THAP10: variants seen among roughly 807,000 people sequenced by gnomAD.
The protein encoded by THAP10 is THAP domain-containing protein 10.
Under a neutral mutation model 15.7 loss-of-function variants are expected in THAP10, and 10 were observed. The observed-to-expected ratio is 0.64, with a 90% CI of 0.39 to 1.08. The LOEUF (loss-of-function observed/expected upper bound fraction) is 1.08. Among genes scored for constraint, THAP10 ranks in the 50% least tolerant of loss-of-function variants. The pLI is 0.01. For synonymous variants in THAP10, 127 were observed against 129.1 expected, an observed-to-expected ratio of 0.98 and a Z score of 0.11; for missense variants, 310 against 330.9, an observed-to-expected ratio of 0.94 and a Z score of 0.49.
In THAP10 at chr15:70,892,243, G is replaced by T. The variant is rs759813809; in HGVS notation, c.30C>A (p.Cys10Ter). 3 of 1,581,904 alleles carry T rather than the reference G, an allele frequency of 1.9e-6. No individual in the cohort carries two copies. The highest frequency in any genetic ancestry group is 1.3e-5 in the African/African-American group (1 of 74,272). The change falls in exon 1 of 3, where the codon TGC (cysteine) becomes TGA (stop). Residue 10 changes from cysteine (C) to a stop codon, truncating the protein, a stop_gained. Coordinates refer to ENST00000249861, the MANE Select transcript of THAP10 (RefSeq NM_020147.4). LOFTEE classifies it high-confidence loss of function. ...ACTTCCCAGACTTGGTGGTGTTGCC[G>T]CAGTGGGCGGCCACACAACGGGCCG... Reference protein sequence around the residue: MPARCVAAHCGNTTKSGKSL... With the variant: MPARCVAAH
intron 1 of THAP10, among the ~76,000 whole-genome samples, chr15:70,890,846 G>C (rs956900770): frequency 2.0e-5 from 3 of 152,188 alleles, no homozygotes; most frequent in African/African-American, 7.2e-5. Context: ...CAGCATGATG[G>C]TACACAGTGA....
chr15:70,881,560 G>T lies in THAP10; in HGVS notation c.*894C>A, dbSNP rs1239451211. The stretch of plus-strand genomic sequence containing the variant: ...TATAGTATGCTTCTCAGAAACTATT[G>T]TAACAGTTTACTTCATGGTACAAAA... On this transcript the variant is annotated 3_prime_UTR_variant, in exon 3 of 3. Coordinates refer to ENST00000249861, the MANE Select transcript of THAP10 (RefSeq NM_020147.4). 5.3e-5 allele frequency: 8 copies of T among 152,122 alleles called. No homozygotes were observed. Among genetic ancestry groups the T allele is most frequent in the African/African-American group, 1.9e-4 (8 of 41,418 alleles). 9.4% of individuals were successfully genotyped at this position (152,122 alleles called of 1,614,324 possible). A position where few individuals can be genotyped will look rare whatever the true frequency, so the allele number is the denominator to read the frequency against.
chr15:70,883,440 C>T (rs1417784285), intron 1 of THAP10, among the ~76,000 whole-genome samples: 1 of 151,824 alleles, frequency 6.6e-6, no homozygotes, highest in African/African-American at 2.4e-5. Context: ...GTGATCTGCC[C>T]GCCTCAGCCT....
intron 1 of THAP10, among the ~76,000 whole-genome samples, chr15:70,885,240 T>C (rs2141086983): frequency 6.6e-6 from 1 of 151,928 alleles, no homozygotes; most frequent in South Asian, 2.1e-4. Flanking sequence ...AAATAGAAAA[T>C]ACAGAAAATG....
rs975926741 is a variant in THAP10 at position 70,892,158 on chromosome 15, C to A, written c.115G>T (p.Gly39Cys). The change falls in exon 1 of 3, where the codon GGT (glycine) becomes TGT (cysteine). Residue 39 changes from glycine to cysteine, a missense_variant. Physicochemically the swap from Gly to Cys is radical, Grantham distance 159. Transcript: ENST00000249861. ...CCTCCGTACCAGTCGGCGCGGCAAC[C>A]CCGCACGAAGCGGTCCCAGAGCAGC... ...VRLLWDRFVRGCRADWYGGND... is the reference protein window; with the variant it reads ...VRLLWDRFVRCCRADWYGGND... The A allele has an allele frequency of 1.2e-6, 2 of 1,612,486 alleles. No individual in the cohort carries two copies. Among genetic ancestry groups the A allele is most frequent in the Non-Finnish European group, 1.7e-6 (2 of 1,179,468 alleles).
Position 70,892,229 on chromosome 15 carries a change from T to A in THAP10, c.44A>T (p.Lys15Met). Residue 15 changes from lysine (K) to methionine (M), a missense_variant, in exon 1 of 3, where the codon AAG becomes ATG. Coordinates refer to ENST00000249861, the MANE Select transcript of THAP10 (RefSeq NM_020147.4). The part of the protein sequence containing the change: ...CVAAHCGNTT[K>M]SGKSLFRFPK... ...AAAGCGGAACAGCGACTTCCCAGAC[T>A]TGGTGGTGTTGCCGCAGTGGGCGGC... The A allele has an allele frequency of 6.3e-7, 1 of 1,591,296 alleles. No individual in the cohort carries two copies. The highest frequency in any genetic ancestry group is 1.1e-5 in the South Asian group (1 of 88,110).
chr15:70,881,838 T>C lies in THAP10; in HGVS notation c.*616A>G, dbSNP rs938535285. The C allele has an allele frequency of 2.0e-5, 3 of 152,276 alleles. No individual in the cohort carries two copies. Among genetic ancestry groups the C allele is most frequent in the Non-Finnish European group, 2.9e-5 (2 of 68,054 alleles). 9.4% of individuals were successfully genotyped at this position (152,276 alleles called of 1,614,324 possible). The stretch of plus-strand genomic sequence containing the variant: ...TTTCATTAATAAGTTAATGTAAGTA[T>C]ATGAAAACTCTATCTCTAAATTGAT... On this transcript the variant is annotated 3_prime_UTR_variant, in exon 3 of 3. Transcript: ENST00000249861.
In THAP10 at chr15:70,892,052, C is replaced by A. The variant is rs372377369; in HGVS notation, c.221G>T (p.Arg74Leu). 55 of 1,613,682 alleles carry A rather than the reference C, an allele frequency of 3.4e-5. No individual in the cohort carries two copies. Among genetic ancestry groups the A allele is most frequent in the Admixed American group, 3.0e-4 (18 of 59,972 alleles). Residue 74 changes from arginine to leucine, a missense_variant, in exon 1 of 3, where the codon CGC becomes CTC. Coordinates refer to ENST00000249861, the MANE Select transcript of THAP10 (RefSeq NM_020147.4). ...CACCAGCCTCAGGCGCTGGGAGAAG[C>A]GCAGGTTCTTCTGGATAACCGAAGA... ...DVSSVIQKNLRFSQRLRLVAG... is the reference protein window; with the variant it reads ...DVSSVIQKNLLFSQRLRLVAG...
chr15:70,892,311 A>C lies in THAP10; in HGVS notation c.-39T>G. 1 of 1,550,380 alleles carries C rather than the reference A, an allele frequency of 6.5e-7. No homozygotes were observed. Among genetic ancestry groups the C allele is most frequent in the East Asian group, 2.4e-5 (1 of 40,930 alleles). ...GGTGCGCGGGAGCCGGGTTCCCTGG[A>C]CCTTCGCCCTTGGGCACGCTCCTCG... On this transcript the variant is annotated 5_prime_UTR_variant, in exon 1 of 3. Transcript: ENST00000249861.
At chr15:70,888,535 T>C (rs1022591188) in intron 1 of THAP10, among the ~76,000 whole-genome samples, 1 of 152,066 alleles carries the variant, frequency 6.6e-6, no homozygotes, top group Admixed American at 6.6e-5. Flanking sequence ...GATCTAAATA[T>C]AAAAAGTAAA....
chr15:70,891,706 TCTAAAGCACA>T, intron 1 of THAP10, 128 bp downstream of exon 1: 2 of 762,060 alleles, frequency 2.6e-6, no homozygotes, highest in Non-Finnish European at 4.1e-6. Flanking sequence ...GGAGATCACC[TCTAAAGCACA>T]CCCCTAACTT....
chr15:70,884,535 T>C (rs1034281362), intron 1 of THAP10, among the ~76,000 whole-genome samples: 41 of 150,438 alleles, frequency 2.7e-4, no homozygotes, highest in African/African-American at 9.8e-4. Flanking sequence ...CACACATATA[T>C]ACACACAGAA....
chr15:70,891,129 T>G (rs975580864), intron 1 of THAP10, among the ~76,000 whole-genome samples: 2 of 152,326 alleles, frequency 1.3e-5, no homozygotes, highest in Non-Finnish European at 2.9e-5. Flanking sequence ...GTGGCAAGGC[T>G]GAAGTTTATC....
rs1232193500 is a variant in THAP10 at position 70,892,103 on chromosome 15, T to C, written c.170A>G (p.His57Arg). 2 of 1,613,888 alleles carry C rather than the reference T, an allele frequency of 1.2e-6. No homozygotes were observed. The highest frequency in any genetic ancestry group is 2.2e-5 in the East Asian group (1 of 44,878). ...GNDRSVICSDHFAPACFDVSS... is the reference protein window; with the variant it reads ...GNDRSVICSDRFAPACFDVSS... ...GACGTCAAAACAGGCTGGGGCAAAG[T>C]GGTCAGAGCAGATGACCGAGCGGTC... The change falls in exon 1 of 3, where the codon CAC becomes CGC. Residue 57 changes from histidine (H) to arginine (R), a missense_variant. His to Arg is a conservative substitution (Grantham distance 29). Transcript: ENST00000249861.
chr15:70,892,336 G>A lies in THAP10; in HGVS notation c.-64C>T. On this transcript the variant is annotated 5_prime_UTR_variant, in exon 1 of 3. Transcript: ENST00000249861. The stretch of plus-strand genomic sequence containing the variant: ...ACCTTCGCCCTTGGGCACGCTCCTC[G>A]CAGCGGCCTCGGCGAGGCAAGTCCT... The A allele has an allele frequency of 6.5e-7, 1 of 1,549,264 alleles. No homozygotes were observed. The highest frequency in any genetic ancestry group is 8.7e-7 in the Non-Finnish European group (1 of 1,146,816).
In THAP10 at chr15:70,891,966, C is replaced by A. The variant is rs201847904; in HGVS notation, c.307G>T (p.Gly103Ter). The change falls in exon 1 of 3, where the codon GGA becomes TGA. Residue 103 changes from glycine (G) to a stop codon, truncating the protein, a stop_gained. Transcript: ENST00000249861. LOFTEE classifies it high-confidence loss of function. The stretch of plus-strand genomic sequence containing the variant: ...GTGTCCAGGCGGCCTGCTTGGTCTC[C>A]CTCCTCTCCCCTCTTAGGTGCCGGG... ...PAPAPKRGEE[G>*]DQAGRLDTRG... The A allele has an allele frequency of 3.1e-6, 5 of 1,613,498 alleles. No homozygotes were observed. Among genetic ancestry groups the A allele is most frequent in the Non-Finnish European group, 4.2e-6 (5 of 1,179,804 alleles).
chr15:70,892,157 C>T lies in THAP10; in HGVS notation c.116G>A (p.Gly39Asp), dbSNP rs940290802. 1.2e-6 allele frequency: 2 copies of T among 1,612,524 alleles called. No individual in the cohort carries two copies. ...VRLLWDRFVR[G>D]CRADWYGGND... is the part of the protein sequence containing the mutation. ...GCCTCCGTACCAGTCGGCGCGGCAACCCCGCACGAAGCGGTCCCAGAGCAG... is the reference window on the plus strand; with the variant it reads ...GCCTCCGTACCAGTCGGCGCGGCAATCCCGCACGAAGCGGTCCCAGAGCAG... The change falls in exon 1 of 3, where the codon GGT becomes GAT. Residue 39 changes from glycine (G) to aspartate (D), a missense_variant. Gly to Asp is a moderately conservative substitution (Grantham distance 94). Transcript: ENST00000249861.
chr15:70,884,994 T>A (rs937855930), intron 1 of THAP10, among the ~76,000 whole-genome samples: 1 of 152,192 alleles, frequency 6.6e-6, no homozygotes, highest in Non-Finnish European at 1.5e-5. Flanking sequence ...TAATCTGTTA[T>A]TAAATATTCT....
Position 70,882,410 on chromosome 15 carries a change from G to T in THAP10, c.*44C>A. The T allele has an allele frequency of 7.0e-7, 1 of 1,433,522 alleles. No homozygotes were observed. 88.8% of individuals were successfully genotyped at this position (1,433,522 alleles called of 1,614,324 possible). ...GCAAAGAGATAATTATGTGAGTAAA[G>T]ATTTGAAAATCTATAGCACATCAGA... is the stretch of plus-strand genomic sequence containing the variant. On this transcript the variant is annotated 3_prime_UTR_variant, in exon 3 of 3. Transcript: ENST00000249861.
Sources: gnomAD v4.1 joint callset for allele counts (sites outside exome capture counted in the v4.1 genomes callset) on GRCh38, gnomAD v4.1.1 for gene constraint, MANE v1.5 for transcripts, NCBI Gene and HGNC (gene_info 2026-07-23, HGNC 2026-07-21) for gene names.